DLGAP1: variants seen among roughly 807,000 people sequenced by gnomAD.
The protein encoded by DLGAP1 is DLG associated protein 1.
DLGAP1 carries 11 observed loss-of-function variants against 90.8 expected under a neutral mutation model. That is an observed-to-expected ratio of 0.12 (90% CI 0.08 to 0.20). The LOEUF (loss-of-function observed/expected upper bound fraction) is 0.20, where lower values mean the gene tolerates loss of function less well. Among genes scored for constraint, DLGAP1 ranks in the 10% least tolerant of loss-of-function variants. The pLI is 1.00. For synonymous variants in DLGAP1, 558 were observed against 540.7 expected, an observed-to-expected ratio of 1.03 and a Z score of -0.44; for missense variants, 1,050 against 1,333.8, an observed-to-expected ratio of 0.79 and a Z score of 3.31.
rs1008404181 is a variant in DLGAP1 at position 4,157,566 on chromosome 18, C to T, written c.-266-6279G>A. 2.6e-5 allele frequency among the ~76,000 whole-genome samples: 4 copies of T among 152,210 alleles called. No homozygotes were observed. The East Asian group carries it at 7.7e-4, about 29-fold the overall frequency. On this transcript the variant is annotated intron_variant, in intron 1 of 12. Transcript: ENST00000315677. ...ACTCATGCAGCTTCAGAGGGAAGAC[C>T]CCATGCTCAGAAAAGCCCTGTGCTT...
chr18:3,680,806 A>G (rs1299232981), intron 7 of DLGAP1, among the ~76,000 whole-genome samples: 1 of 151,140 alleles, frequency 6.6e-6, no homozygotes, highest in Non-Finnish European at 1.5e-5. Context: ...AAAAAAAAAA[A>G]GGAGGAAAAA....
At chr18:4,067,752 C>T (rs1011894212) in intron 2 of DLGAP1, among the ~76,000 whole-genome samples, 1 of 152,082 alleles carries the variant, frequency 6.6e-6, no homozygotes, top group African/African-American at 2.4e-5. Flanking sequence ...CCCCTTCAAG[C>T]AATTGCCAAT....
chr18:3,798,638 A>C (rs866106554), intron 5 of DLGAP1, among the ~76,000 whole-genome samples: 1 of 152,126 alleles, frequency 6.6e-6, no homozygotes, highest in Non-Finnish European at 1.5e-5. Context: ...ATCGTTGTCT[A>C]TTCCCTCTAA....
intron 1 of DLGAP1, among the ~76,000 whole-genome samples, chr18:4,299,085 C>CAAAAAAAAAAAAA (rs35327176): frequency 2.6e-5 from 2 of 76,322 alleles, no homozygotes; most frequent in African/African-American, 4.4e-5. Context: ...TGTCTCAAGA[C>CAAAAAAAAAAAAA]AAAAAAAAAA....
At chr18:4,303,650 A>C (rs2080181298) in intron 1 of DLGAP1, among the ~76,000 whole-genome samples, 1 of 152,198 alleles carries the variant, frequency 6.6e-6, no homozygotes, top group African/African-American at 2.4e-5. Flanking sequence ...TCCCTAACTC[A>C]TCATCTCAAT....
At chr18:3,946,573 G>A (rs1431491572) in intron 3 of DLGAP1, among the ~76,000 whole-genome samples, 1 of 151,768 alleles carries the variant, frequency 6.6e-6, no homozygotes, top group Admixed American at 6.6e-5. Flanking sequence ...TAGTGATGGG[G>A]GTTTTCTGGG....
intron 1 of DLGAP1, among the ~76,000 whole-genome samples, chr18:4,297,780 CTCTA>C (rs1255520169): frequency 2.0e-5 from 3 of 152,088 alleles, no homozygotes; most frequent in Non-Finnish European, 4.4e-5. Flanking sequence ...CTCTCTCTTT[CTCTA>C]TCTATCACTG....
intron 7 of DLGAP1, among the ~76,000 whole-genome samples, chr18:3,588,180 C>T (rs1422848575): frequency 6.6e-6 from 1 of 152,164 alleles, no homozygotes; most frequent in East Asian, 1.9e-4. Flanking sequence ...ATTTTTGGGG[C>T]CGGGCGCTGT....
intron 1 of DLGAP1, among the ~76,000 whole-genome samples, chr18:4,381,771 A>G (rs771473739): frequency 4.6e-5 from 7 of 152,180 alleles, no homozygotes; most frequent in African/African-American, 1.4e-4. Context: ...TTCCACTCTA[A>G]GGTTCCAGGC....
chr18:3,674,294 A>ATATAT (rs1555623961), intron 7 of DLGAP1, among the ~76,000 whole-genome samples: 2 of 42,286 alleles, frequency 4.7e-5, no homozygotes, highest in East Asian at 1.6e-3. Context: ...CTATAATATT[A>ATATAT]AAATATATAT....
In DLGAP1 at chr18:4,280,153, A is replaced by G. The variant is rs143539845; in HGVS notation, c.-266-128866T>C. 2.8e-3 allele frequency among the ~76,000 whole-genome samples: 430 copies of G among 152,310 alleles called. 3 individuals are homozygous for G. Among genetic ancestry groups the G allele is most frequent in the African/African-American group, 9.8e-3 (407 of 41,552 alleles). Reference sequence around the variant, plus strand: ...ATTTCTGACATTCGATAAAATCTTAATATCTGTATAAGTTGATTAAAAAAA... The same window carrying G: ...ATTTCTGACATTCGATAAAATCTTAGTATCTGTATAAGTTGATTAAAAAAA... On this transcript the variant is annotated intron_variant, in intron 1 of 12. Transcript: ENST00000315677.
rs906516944 is a variant in DLGAP1 at position 3,884,015 on chromosome 18, A to T, written c.-72-3875T>A. 2.0e-5 allele frequency among the ~76,000 whole-genome samples: 3 copies of T among 152,292 alleles called. 1 individual carries two copies. The South Asian group carries it at 6.2e-4, about 32-fold the overall frequency. On this transcript the variant is annotated intron_variant, in intron 3 of 12. Transcript: ENST00000315677. ...TGACTCTTGAAGGGACAAAAAAGGAATTCAGGACTTATGATACCTGTGGAT... is the reference window on the plus strand; with the variant it reads ...TGACTCTTGAAGGGACAAAAAAGGATTTCAGGACTTATGATACCTGTGGAT...
chr18:3,940,096 A>C (rs2072736079), intron 3 of DLGAP1, among the ~76,000 whole-genome samples: 1 of 152,178 alleles, frequency 6.6e-6, no homozygotes, highest in South Asian at 2.1e-4. Context: ...ATTCTCTTGG[A>C]TCAGTTGCTC....
chr18:3,577,570 A>T (rs994488460), intron 8 of DLGAP1, among the ~76,000 whole-genome samples: 3 of 152,220 alleles, frequency 2.0e-5, no homozygotes, highest in African/African-American at 7.2e-5. Context: ...TATTTCCCTG[A>T]AGAAGCACGA....
rs1052715660 is a variant in DLGAP1, at chr18:3,517,105, G to A, written c.2480-8444C>T. Among the ~76,000 whole-genome samples, 3 of 152,162 alleles carry A rather than the reference G, an allele frequency of 2.0e-5. No homozygotes were observed. Among genetic ancestry groups the A allele is most frequent in the African/African-American group, 2.4e-5 (1 of 41,438 alleles). On this transcript the variant is annotated intron_variant, in intron 10 of 12. Transcript: ENST00000315677. This position sits in a 1 kb window ranked among gnomAD's most constrained non-coding sequence, Gnocchi z 4.1. Reference sequence around the variant, plus strand: ...ATAGAGATACTCTCATCTAGGCTCTGTTGTTCTACTTATAGAGCACACTTT... The same window carrying A: ...ATAGAGATACTCTCATCTAGGCTCTATTGTTCTACTTATAGAGCACACTTT...
At chr18:3,582,326 GGAATTAGGGCACAT>G in intron 7 of DLGAP1, 78 bp from the exon 8 acceptor site, 1 of 1,539,914 alleles carries the variant, frequency 6.5e-7, no homozygotes, top group African/African-American at 1.4e-5. Context: ...ACAGCCATTG[GGAATTAGGGCACAT>G]GAAACACACT....
At chr18:3,765,920 T>G (rs1417920800) in intron 5 of DLGAP1, among the ~76,000 whole-genome samples, 1 of 151,626 alleles carries the variant, frequency 6.6e-6, no homozygotes, top group Non-Finnish European at 1.5e-5. Context: ...CATTGGAAGG[T>G]GGGAAAAATA....
At chr18:4,210,945 T>C (rs2077827957) in intron 1 of DLGAP1, among the ~76,000 whole-genome samples, 1 of 152,212 alleles carries the variant, frequency 6.6e-6, no homozygotes. Context: ...TCCTGTCTCC[T>C]GACCTTGAGG....
intron 7 of DLGAP1, among the ~76,000 whole-genome samples, chr18:3,635,414 C>T (rs745359812): frequency 3.3e-5 from 5 of 151,546 alleles, no homozygotes; most frequent in African/African-American, 9.7e-5. Flanking sequence ...GCTGGGATTA[C>T]AGGCGTGAGC....
Sources: gnomAD v4.1 joint callset for allele counts (sites outside exome capture counted in the v4.1 genomes callset) on GRCh38, gnomAD v4.1.1 for gene constraint, Gnocchi (gnomAD v3.1) non-coding constraint, MANE v1.5 for transcripts, NCBI Gene and HGNC (gene_info 2026-07-23, HGNC 2026-07-21) for gene names.